Variants in PAK3 observed in about 807,000 individuals in gnomAD.
PAK3 encodes the protein p21 (RAC1) activated kinase 3, also known as serine/threonine-protein kinase PAK 3.
Under a neutral mutation model 41.0 loss-of-function variants are expected in PAK3, and 4 were observed. That is an observed-to-expected ratio of 0.10 (90% CI 0.05 to 0.22). PAK3 has a LOEUF of 0.22. Ranked by LOEUF, PAK3 falls within the 10% of genes least tolerant of loss-of-function variation. The pLI is 1.00. For missense variants in PAK3, 205 were observed against 409.9 expected (o/e 0.50, Z 4.32); for synonymous variants, 146 against 139.6 (o/e 1.05, Z -0.32).
intron 3 of PAK3, among the ~76,000 whole-genome samples, chrX:111,101,265 A>T (rs1346410122): frequency 8.9e-6 from 1 of 111,892 alleles, no homozygotes; most frequent in Admixed American, 9.4e-5. Flanking sequence ...ATGTGCTCAC[A>T]CACAGGATAT....
chrX:111,024,939 A>G (rs1309590994), intron 1 of PAK3, among the ~76,000 whole-genome samples: 1 of 111,571 alleles, frequency 9.0e-6, no homozygotes, highest in African/African-American at 3.3e-5. Context: ...TCGAAATTAT[A>G]TCAAGTACTC....
chrX:111,159,163 G>C (rs1026068783), intron 8 of PAK3, among the ~76,000 whole-genome samples: 1 of 110,977 alleles, frequency 9.0e-6, no homozygotes, highest in African/African-American at 3.3e-5. Flanking sequence ...GTATGGTTAG[G>C]TATAATTTCT....
chrX:110,999,412 TG>T (rs1292326657), intron 1 of PAK3, among the ~76,000 whole-genome samples: 2 of 111,535 alleles, frequency 1.8e-5, no homozygotes, highest in African/African-American at 6.5e-5. Flanking sequence ...ACTCAGTTTT[TG>T]CTAGAAAGAT....
intron 1 of PAK3, among the ~76,000 whole-genome samples, chrX:111,081,081 G>A (rs2092830773): frequency 9.0e-6 from 1 of 111,668 alleles, no homozygotes; most frequent in African/African-American, 3.3e-5. Flanking sequence ...GAACCGGGGG[G>A]CAAGGACTGG....
intron 1 of PAK3, among the ~76,000 whole-genome samples, chrX:111,022,586 A>T (rs147406526): frequency 9.0e-6 from 1 of 111,699 alleles, no homozygotes; most frequent in Non-Finnish European, 1.9e-5. Context: ...CTTAAAGCAT[A>T]AATCTCACAG....
At chrX:111,146,900 T>C (rs1165756647) in intron 6 of PAK3, among the ~76,000 whole-genome samples, 1 of 111,793 alleles carries the variant, frequency 8.9e-6, no homozygotes, top group African/African-American at 3.3e-5. Context: ...AAAGCTAACC[T>C]CTAATTTTTG....
At chrX:110,952,425 A>G (rs938861839) in intron 1 of PAK3, among the ~76,000 whole-genome samples, 2 of 111,788 alleles carry the variant, frequency 1.8e-5, no homozygotes, top group Non-Finnish European at 3.8e-5. Flanking sequence ...AAATGCTCCA[A>G]GAGTTGGACA....
At chrX:111,172,269 C>A (rs188026850) in intron 10 of PAK3, among the ~76,000 whole-genome samples, 3 of 111,909 alleles carry the variant, frequency 2.7e-5, no homozygotes, top group Non-Finnish European at 3.8e-5. Flanking sequence ...CCATTCTGAT[C>A]GGTCTGTAGT....
chrX:111,136,038 G>A (rs1307399368), intron 5 of PAK3, among the ~76,000 whole-genome samples: 1 of 110,916 alleles, frequency 9.0e-6, no homozygotes, highest in East Asian at 2.9e-4. Flanking sequence ...GAGAAGAGAA[G>A]AAGATGCTAC....
At chrX:110,988,441 A>C (rs1255866336) in intron 1 of PAK3, among the ~76,000 whole-genome samples, 16 of 112,427 alleles carry the variant, frequency 1.4e-4, no homozygotes, top group Admixed American at 4.7e-4. Flanking sequence ...TTTAAATATA[A>C]AGACAGTTAT....
At chrX:111,094,897 C>T (rs1457888774), upstream of PAK3, among the ~76,000 whole-genome samples, 15 of 110,133 alleles carry the variant, frequency 1.4e-4, no homozygotes, top group Non-Finnish European at 2.8e-4. Context: ...TCATATTGGT[C>T]AGACTGGTCT....
chrX:110,997,134 G>A (rs1025504042), intron 1 of PAK3, among the ~76,000 whole-genome samples: 10 of 111,100 alleles, frequency 9.0e-5, no homozygotes, highest in Non-Finnish European at 1.3e-4. Flanking sequence ...CAAGGGGGCC[G>A]GTATGGCTGG....
chrX:111,216,850 C>A, intron 17 of PAK3: 1 of 604,106 alleles, frequency 1.7e-6, no homozygotes, highest in Non-Finnish European at 2.0e-6. Flanking sequence ...GTGTTTTGTT[C>A]TAAACTTTAC....
intron 1 of PAK3, among the ~76,000 whole-genome samples, chrX:110,974,798 G>T (rs1262525356): frequency 1.8e-5 from 2 of 111,776 alleles, no homozygotes; most frequent in African/African-American, 6.5e-5. Flanking sequence ...AAGCAAGGCT[G>T]GTTCAACATA....
chrX:111,162,441 A>G (rs2149193539), intron 8 of PAK3, among the ~76,000 whole-genome samples: 1 of 111,048 alleles, frequency 9.0e-6, no homozygotes, highest in East Asian at 2.8e-4. Flanking sequence ...GTTCTTAGTG[A>G]GTATTTACAG....
At chrX:111,116,917 A>G (rs746419353) in intron 4 of PAK3, among the ~76,000 whole-genome samples, 221 of 112,226 alleles carry the variant, frequency 2.0e-3, no homozygotes, top group African/African-American at 6.8e-3. Flanking sequence ...CTGCCTAACA[A>G]GTAGCTCAGC....
intron 4 of PAK3, among the ~76,000 whole-genome samples, chrX:111,109,818 G>A (rs2093338770): frequency 8.9e-6 from 1 of 112,172 alleles, no homozygotes; most frequent in African/African-American, 3.2e-5. Flanking sequence ...GTTTACTTAC[G>A]ACAAAGCCCT....
intron 1 of PAK3, among the ~76,000 whole-genome samples, chrX:110,968,006 T>C (rs1287184331): frequency 8.9e-6 from 1 of 112,409 alleles, no homozygotes; most frequent in Non-Finnish European, 1.9e-5. Context: ...TTCCTTACCC[T>C]TGGCAACCAC....
chrX:111,170,020 C>T (rs771555922), intron 10 of PAK3, among the ~76,000 whole-genome samples: 1 of 111,042 alleles, frequency 9.0e-6, no homozygotes, highest in South Asian at 3.9e-4. Context: ...AGATGTAGAG[C>T]CTTGACTAAA....
Sources: allele counts gnomAD v4.1 joint callset (sites outside exome capture counted in the v4.1 genomes callset), GRCh38; gene constraint gnomAD v4.1.1; transcripts MANE v1.5; gene names NCBI Gene and HGNC (gene_info 2026-07-23, HGNC 2026-07-21).